CRPPA: variants seen among roughly 807,000 people sequenced by gnomAD.
CRPPA encodes the protein D-ribitol-5-phosphate cytidylyltransferase.
In CRPPA, 43 loss-of-function variants were observed where a neutral mutation model predicts 52.0. The observed-to-expected ratio is 0.83, with a 90% CI of 0.65 to 1.07. CRPPA has a LOEUF of 1.07. CRPPA is among the 50% of genes least tolerant of loss of function. CRPPA has a pLI of 0.00. For missense variants in CRPPA, 629 were observed against 551.7 expected (o/e 1.14, Z -1.40); for synonymous variants, 250 against 203.5 (o/e 1.23, Z -1.94).
intron 2 of CRPPA, among the ~76,000 whole-genome samples, chr7:16,399,265 A>G (rs1039878284): frequency 1.3e-5 from 2 of 152,170 alleles, no homozygotes; most frequent in Non-Finnish European, 2.9e-5. Flanking sequence ...CCAACATGTG[A>G]CTGACACGAT....
chr7:16,179,592 C>T (rs923304498), intron 9 of CRPPA, among the ~76,000 whole-genome samples: 40 of 151,922 alleles, frequency 2.6e-4, no homozygotes, highest in African/African-American at 8.5e-4. Flanking sequence ...CCTTCAGAAT[C>T]CAGGAAAATA....
intron 3 of CRPPA, among the ~76,000 whole-genome samples, chr7:16,363,851 G>C (rs578228142): frequency 6.6e-6 from 1 of 152,188 alleles, no homozygotes; most frequent in South Asian, 2.1e-4. Context: ...AACAACACCA[G>C]AGTTCAATAA....
intron 3 of CRPPA, among the ~76,000 whole-genome samples, chr7:16,320,490 T>C (rs1266578627): frequency 6.6e-6 from 1 of 152,158 alleles, no homozygotes; most frequent in African/African-American, 2.4e-5. Context: ...CACATAATGG[T>C]CCACGGCTAC....
At chr7:16,247,687 A>C (rs1453944164) in intron 8 of CRPPA, among the ~76,000 whole-genome samples, 3 of 152,200 alleles carry the variant, frequency 2.0e-5, no homozygotes, top group Non-Finnish European at 4.4e-5. Context: ...GGGTTGCCAA[A>C]AAACTTCAAT....
At chr7:16,202,561 G>C (rs1486233837) in intron 9 of CRPPA, among the ~76,000 whole-genome samples, 1 of 152,140 alleles carries the variant, frequency 6.6e-6, no homozygotes, top group African/African-American at 2.4e-5. Context: ...TCCTATTCTA[G>C]ATAAGGAAGT....
rs775902619 is a variant in CRPPA at position 16,406,288 on chromosome 7, C to T, written c.307G>A (p.Glu103Lys). ...TTCTGAATAATACTTTTCATTACTT[C>T]CATGTTCTCTCCAGTTACTGCCACA... Reference protein sequence around the residue: ...IVVAVTGENMEVMKSIIQKYQ... With the variant: ...IVVAVTGENMKVMKSIIQKYQ... Residue 103 changes from glutamate to lysine, a missense_variant, in exon 2 of 10, where the codon GAA (glutamate) becomes AAA (lysine). Coordinates refer to ENST00000407010, the MANE Select transcript of CRPPA (RefSeq NM_001101426.4). The T allele has an allele frequency of 1.1e-4, 178 of 1,613,724 alleles. No homozygotes were observed. Among genetic ancestry groups the T allele is most frequent in the Non-Finnish European group, 1.5e-4 (174 of 1,179,782 alleles).
intron 3 of CRPPA, among the ~76,000 whole-genome samples, chr7:16,350,933 G>T (rs544168317): frequency 6.6e-6 from 1 of 152,056 alleles, no homozygotes; most frequent in Non-Finnish European, 1.5e-5. Flanking sequence ...GAAACCAAAA[G>T]AGAACAAGAA....
At chr7:16,159,086 T>A (rs1010759557) in intron 9 of CRPPA, among the ~76,000 whole-genome samples, 3 of 152,094 alleles carry the variant, frequency 2.0e-5, no homozygotes, top group Non-Finnish European at 4.4e-5. Flanking sequence ...CCACTTAGAG[T>A]GGTTACAACC....
In CRPPA at chr7:16,282,692, T is replaced by G. The variant is rs77087087; in HGVS notation, c.836-4466A>C. ...TGTGAAGCTATATTAATAGGAGACT[T>G]TAAAGTTCACCTCTCTTAAGTGAGC... On this transcript the variant is annotated intron_variant, in intron 5 of 9. Transcript: ENST00000407010. Among the ~76,000 whole-genome samples the G allele has an allele frequency of 5.2e-3, 797 of 152,156 alleles. 8 individuals carry two copies. The highest frequency in any genetic ancestry group is 0.019 in the African/African-American group (775 of 41,550).
intron 9 of CRPPA, among the ~76,000 whole-genome samples, chr7:16,137,566 G>C (rs550406658): frequency 1.3e-5 from 2 of 152,182 alleles, no homozygotes; most frequent in East Asian, 3.9e-4. Flanking sequence ...ATTCAAAGGA[G>C]GGTTGAATTT....
At chr7:16,297,315 A>T (rs1784694295) in intron 5 of CRPPA, among the ~76,000 whole-genome samples, 2 of 152,210 alleles carry the variant, frequency 1.3e-5, no homozygotes, top group Non-Finnish European at 2.9e-5. Context: ...TCTTGGTTTT[A>T]AATCTTGACA....
At chr7:16,391,497 G>C (rs193202035) in intron 2 of CRPPA, among the ~76,000 whole-genome samples, 30 of 152,244 alleles carry the variant, frequency 2.0e-4, no homozygotes, top group African/African-American at 5.5e-4. Flanking sequence ...TGTTCATGAT[G>C]AGTTAGATCA....
intron 5 of CRPPA, among the ~76,000 whole-genome samples, chr7:16,279,042 A>G (rs1238705004): frequency 6.6e-6 from 1 of 152,214 alleles, no homozygotes; most frequent in Non-Finnish European, 1.5e-5. Flanking sequence ...AGTTTCAGGC[A>G]TCCTATATGG....
At chr7:16,218,897 A>C (rs1424095311) in intron 8 of CRPPA, among the ~76,000 whole-genome samples, 2 of 151,836 alleles carry the variant, frequency 1.3e-5, no homozygotes, top group African/African-American at 4.8e-5. Flanking sequence ...ACAGAAAGTC[A>C]ACAAGGATAC....
intron 9 of CRPPA, among the ~76,000 whole-genome samples, chr7:16,172,775 A>T (rs182545699): frequency 2.0e-5 from 3 of 152,318 alleles, no homozygotes; most frequent in East Asian, 1.9e-4. Context: ...TTTGAATAGG[A>T]CATGAGGGAT....
Position 16,126,204 on chromosome 7 carries a change from C to T in CRPPA, c.1252-34405G>A, listed in dbSNP as rs1782577721. Among the ~76,000 whole-genome samples, 3 of 152,124 alleles carry T rather than the reference C, an allele frequency of 2.0e-5. 1 individual carries two copies. Among genetic ancestry groups the T allele is most frequent in the South Asian group, 4.1e-4 (2 of 4,822 alleles). On this transcript the variant is annotated intron_variant, in intron 9 of 9. Transcript: ENST00000407010. Reference sequence around the variant, plus strand: ...CTATATTCTTAGCAGTCAATAGGCTCTTCCCCCATTCCCTACCTGCATTAA... The same window carrying T: ...CTATATTCTTAGCAGTCAATAGGCTTTTCCCCCATTCCCTACCTGCATTAA...
chr7:16,343,600 T>C (rs62441918), intron 3 of CRPPA, among the ~76,000 whole-genome samples: 38,889 of 151,710 alleles, frequency 0.26, 5,283 homozygotes, highest in Admixed American at 0.32. Context: ...AAACAGTCAG[T>C]GGTAATTGTT....
intron 6 of CRPPA, among the ~76,000 whole-genome samples, chr7:16,264,154 T>C (rs888305663): frequency 2.0e-5 from 3 of 152,184 alleles, no homozygotes; most frequent in African/African-American, 7.2e-5. Context: ...TCTGTGACAC[T>C]TTTAATCAAC....
chr7:16,396,513 C>G (rs2178600), intron 2 of CRPPA, among the ~76,000 whole-genome samples: 34,053 of 152,108 alleles, frequency 0.22, 6,521 homozygotes, highest in African/African-American at 0.52. Flanking sequence ...AGTGTGGTGA[C>G]AAGATTCCTT....
Sources: allele counts gnomAD v4.1 joint callset (sites outside exome capture counted in the v4.1 genomes callset), GRCh38; gene constraint gnomAD v4.1.1; transcripts MANE v1.5; gene names NCBI Gene and HGNC (gene_info 2026-07-23, HGNC 2026-07-21).